Variants in TMEM132D observed in about 807,000 individuals in gnomAD.
TMEM132D encodes the protein mature OL transmembrane protein.
A neutral mutation model predicts 62.3 loss-of-function variants in TMEM132D; 21 were observed. The observed-to-expected ratio is 0.34, with a 90% confidence interval of 0.24 to 0.49. The LOEUF is 0.49. TMEM132D is among the 20% of genes least tolerant of loss of function. The probability of loss-of-function intolerance (pLI) is 0.99; values close to 1 mark genes in which losing one functional copy is unlikely to be tolerated. For synonymous variants in TMEM132D, 621 were observed against 575.6 expected, an observed-to-expected ratio of 1.08 and a Z score of -1.13; for missense variants, 1,346 against 1,402.8, an observed-to-expected ratio of 0.96 and a Z score of 0.65.
At chr12:129,289,785 G>A (rs937437536) in intron 4 of TMEM132D, among the ~76,000 whole-genome samples, 2 of 152,080 alleles carry the variant, frequency 1.3e-5, no homozygotes, top group Non-Finnish European at 2.9e-5. Flanking sequence ...ATTAAGGAGG[G>A]AGGATGACTT....
chr12:129,531,291 G>T, intron 2 of TMEM132D, 86 bp from the exon 3 acceptor site: 2 of 1,455,400 alleles, frequency 1.4e-6, no homozygotes, highest in Non-Finnish European at 1.8e-6. Context: ...GAGCTTAATT[G>T]CTCACCGTTG....
intron 4 of TMEM132D, among the ~76,000 whole-genome samples, chr12:129,272,999 C>T (rs548919773): frequency 6.6e-6 from 1 of 151,822 alleles, no homozygotes; most frequent in East Asian, 1.9e-4. Flanking sequence ...AGTTCAAGAC[C>T]ACCCTGGCCA....
intron 2 of TMEM132D, among the ~76,000 whole-genome samples, chr12:129,660,557 G>A (rs1445164844): frequency 6.6e-6 from 1 of 152,086 alleles, no homozygotes; most frequent in Non-Finnish European, 1.5e-5. Flanking sequence ...GTCTTTTGTT[G>A]GTTTCTGTGC....
intron 1 of TMEM132D, among the ~76,000 whole-genome samples, chr12:129,818,162 A>ATGTG (rs1338240969): frequency 8.9e-6 from 1 of 112,238 alleles, no homozygotes; most frequent in Non-Finnish European, 1.8e-5. Context: ...TATAAGGTGT[A>ATGTG]TGTGTGTGTG....
intron 5 of TMEM132D, among the ~76,000 whole-genome samples, chr12:129,142,077 C>T (rs893831158): frequency 1.5e-4 from 22 of 150,574 alleles, no homozygotes; most frequent in African/African-American, 4.9e-4. Flanking sequence ...AAAACAAGTA[C>T]CCATTTGATG....
chr12:129,640,587 T>C (rs1193141749), intron 2 of TMEM132D, among the ~76,000 whole-genome samples: 1 of 152,160 alleles, frequency 6.6e-6, no homozygotes, highest in Non-Finnish European at 1.5e-5. Flanking sequence ...CTGGGGAATC[T>C]AGGAGGGACC....
chr12:129,649,678 T>A (rs1879870115), intron 2 of TMEM132D, among the ~76,000 whole-genome samples: 1 of 152,124 alleles, frequency 6.6e-6, no homozygotes, highest in Non-Finnish European at 1.5e-5. Flanking sequence ...TAGAATATAC[T>A]GTTCTATATA....
intron 2 of TMEM132D, among the ~76,000 whole-genome samples, chr12:129,637,965 G>A (rs1879531218): frequency 6.6e-6 from 1 of 151,980 alleles, no homozygotes; most frequent in Non-Finnish European, 1.5e-5. Flanking sequence ...CTCCTACTAG[G>A]CCCCACCTCC....
intron 1 of TMEM132D, among the ~76,000 whole-genome samples, chr12:129,896,629 C>T (rs146478956): frequency 7.2e-5 from 11 of 152,276 alleles, no homozygotes; most frequent in African/African-American, 1.7e-4. Context: ...ATGTCACTCT[C>T]GTGAAAAGAA....
intron 5 of TMEM132D, among the ~76,000 whole-genome samples, chr12:129,130,623 G>C (rs1876349137): frequency 6.6e-6 from 1 of 152,138 alleles, no homozygotes; most frequent in Non-Finnish European, 1.5e-5. Flanking sequence ...ACAATAACCA[G>C]AGACCAACAG....
chr12:129,231,638 C>T (rs989681928), intron 4 of TMEM132D, among the ~76,000 whole-genome samples: 5 of 152,100 alleles, frequency 3.3e-5, no homozygotes, highest in Non-Finnish European at 7.3e-5. Flanking sequence ...TGACATTCAG[C>T]CAAGAAAGCA....
chr12:129,450,920 C>T (rs1873263294), intron 3 of TMEM132D, among the ~76,000 whole-genome samples: 1 of 65,080 alleles, frequency 1.5e-5, no homozygotes, highest in South Asian at 4.7e-4. Context: ...CACACCACCA[C>T]ACCTGGCTAA....
At chr12:129,409,831 T>C (rs2135705149) in intron 3 of TMEM132D, among the ~76,000 whole-genome samples, 1 of 152,356 alleles carries the variant, frequency 6.6e-6, no homozygotes, top group East Asian at 1.9e-4. Flanking sequence ...TAATCTTGCA[T>C]GAGGAAGCTG....
intron 2 of TMEM132D, among the ~76,000 whole-genome samples, chr12:129,671,460 C>T (rs534158355): frequency 1.2e-4 from 18 of 152,252 alleles, no homozygotes; most frequent in African/African-American, 4.1e-4. Flanking sequence ...TATTAGCACT[C>T]TCAGAACTCA....
At chr12:129,660,359 T>C (rs1880204644) in intron 2 of TMEM132D, among the ~76,000 whole-genome samples, 1 of 152,072 alleles carries the variant, frequency 6.6e-6, no homozygotes, top group African/African-American at 2.4e-5. Flanking sequence ...GTTCTTACCA[T>C]CACCCCTAAC....
intron 5 of TMEM132D, among the ~76,000 whole-genome samples, chr12:129,154,995 TA>T (rs1372503111): frequency 6.6e-6 from 1 of 152,238 alleles, no homozygotes; most frequent in Non-Finnish European, 1.5e-5. Context: ...TACTGTTGAC[TA>T]AAAAATAAAG....
intron 3 of TMEM132D, among the ~76,000 whole-genome samples, chr12:129,466,307 T>C (rs1277532775): frequency 2.9e-5 from 1 of 34,394 alleles, no homozygotes; most frequent in Admixed American, 3.2e-4. Context: ...TTTTTTTTTT[T>C]TTTTTTTTTT....
At chr12:129,696,851 G>A (rs1222635879) in intron 2 of TMEM132D, among the ~76,000 whole-genome samples, 3 of 152,184 alleles carry the variant, frequency 2.0e-5, no homozygotes, top group Non-Finnish European at 4.4e-5. Context: ...AGATGTCTCA[G>A]GAATGAAAGA....
At chr12:129,384,635 G>A (rs1437478395) in intron 3 of TMEM132D, among the ~76,000 whole-genome samples, 1 of 152,044 alleles carries the variant, frequency 6.6e-6, no homozygotes, top group Non-Finnish European at 1.5e-5. Flanking sequence ...TAAGCCCCTG[G>A]CTACTCCAAG....
Sources: gnomAD v4.1 joint callset for allele counts (sites outside exome capture counted in the v4.1 genomes callset) on GRCh38, gnomAD v4.1.1 for gene constraint, MANE v1.5 for transcripts, NCBI Gene and HGNC (gene_info 2026-07-23, HGNC 2026-07-21) for gene names.